Variants in NDFIP2 observed in about 807,000 individuals in gnomAD.
The protein encoded by NDFIP2 is Nedd4 family interacting protein 2.
A neutral mutation model predicts 36.0 loss-of-function variants in NDFIP2; 19 were observed. The observed-to-expected ratio is 0.53, with a 90% CI of 0.37 to 0.77. The LOEUF is 0.77. NDFIP2 is among the 30% of genes least tolerant of loss of function. The probability of loss-of-function intolerance (pLI) is 0.00; values close to 1 mark genes in which losing one functional copy is unlikely to be tolerated. For missense variants in NDFIP2, 446 were observed against 435.8 expected (o/e 1.02, Z -0.21); for synonymous variants, 181 against 167.7 (o/e 1.08, Z -0.61).
At chr13:79,532,796 G>T (rs777315839) in intron 2 of NDFIP2, among the ~76,000 whole-genome samples, 2 of 152,170 alleles carry the variant, frequency 1.3e-5, no homozygotes, top group Non-Finnish European at 2.9e-5. Context: ...GGGGTCAGGA[G>T]CTTCCTGTGT....
At chr13:79,533,524 C>T in intron 3 of NDFIP2, 68 bp downstream of exon 3, 3 of 1,402,778 alleles carry the variant, frequency 2.1e-6, no homozygotes, top group Non-Finnish European at 2.9e-6. Context: ...TTTAGTAATA[C>T]TAAAAACAGT....
At chr13:79,545,002 A>T (rs180924009) in intron 5 of NDFIP2, among the ~76,000 whole-genome samples, 1 of 152,158 alleles carries the variant, frequency 6.6e-6, no homozygotes, top group South Asian at 2.1e-4. Flanking sequence ...TTCCTAACAC[A>T]AGTATAAATC....
chr13:79,533,683 G>A (rs1260386074), intron 3 of NDFIP2, among the ~76,000 whole-genome samples: 1 of 152,014 alleles, frequency 6.6e-6, no homozygotes, highest in Non-Finnish European at 1.5e-5. Flanking sequence ...GGGACAAATT[G>A]CATAGCCTAG....
At chr13:79,497,954 G>T (rs1873511146) in intron 1 of NDFIP2, among the ~76,000 whole-genome samples, 1 of 151,698 alleles carries the variant, frequency 6.6e-6, no homozygotes, top group Non-Finnish European at 1.5e-5. Flanking sequence ...AGTAGTTTAG[G>T]TAAAGGATAA....
Position 79,507,882 on chromosome 13 carries a change from A to C in NDFIP2, c.322-12928A>C, listed in dbSNP as rs187167473. On this transcript the variant is annotated intron_variant, in intron 1 of 7. Coordinates refer to ENST00000218652, the MANE Select transcript of NDFIP2 (RefSeq NM_019080.3). ...AGTTTTACATTCTATGCTTTTCCTC[A>C]TCTCTTAATCCCTTTAACATTATCC... Among the ~76,000 whole-genome samples, 41 of 151,560 alleles carry C rather than the reference A, an allele frequency of 2.7e-4. 1 individual carries two copies. In the East Asian group the frequency reaches 7.8e-3, roughly 29 times the overall value.
At chr13:79,534,080 G>A (rs917428957) in intron 3 of NDFIP2, among the ~76,000 whole-genome samples, 13 of 151,874 alleles carry the variant, frequency 8.6e-5, no homozygotes, top group African/African-American at 2.4e-4. Flanking sequence ...CCTTCACTTC[G>A]CATCCTAACT....
intron 1 of NDFIP2, among the ~76,000 whole-genome samples, chr13:79,499,980 T>A (rs550886287): frequency 6.6e-6 from 1 of 152,000 alleles, no homozygotes; most frequent in South Asian, 2.1e-4. Context: ...ACTATAGATA[T>A]ATGGTAATCA....
chr13:79,548,412 G>A lies in NDFIP2; in HGVS notation c.907+18G>A, dbSNP rs1466969514. ...TGTACTTGGTAAGTTTATTCTTAAT[G>A]CATTTAGTTTAACTTGGATATTTCC... On this transcript the variant is annotated intron_variant, in intron 6 of 7. Coordinates refer to ENST00000218652, the MANE Select transcript of NDFIP2 (RefSeq NM_019080.3). The A allele has an allele frequency of 6.5e-7, 1 of 1,538,210 alleles. No homozygotes were observed. The highest frequency in any genetic ancestry group is 1.2e-5 in the South Asian group (1 of 85,544).
intron 1 of NDFIP2, among the ~76,000 whole-genome samples, chr13:79,507,089 G>C (rs1464544440): frequency 6.6e-6 from 1 of 151,984 alleles, no homozygotes; most frequent in African/African-American, 2.4e-5. Flanking sequence ...TCTTTCTTCA[G>C]TTCTGAATTT....
intron 3 of NDFIP2, 59 bp from the exon 4 acceptor site, chr13:79,539,623 C>A: frequency 7.4e-7 from 1 of 1,359,428 alleles, no homozygotes; most frequent in Non-Finnish European, 1.1e-6. Flanking sequence ...CTTATGCTTA[C>A]ATTTAAGATG....
chr13:79,481,448 ACTCCCT>A lies in NDFIP2; in HGVS notation c.249_254del (p.Leu84_Ser85del). The A allele has an allele frequency of 1.3e-6, 2 of 1,560,076 alleles. No individual in the cohort carries two copies. Among genetic ancestry groups the A allele is most frequent in the Non-Finnish European group, 1.7e-6 (2 of 1,152,308 alleles). ...GCCGTGGGAGCTGAGCACGGAGAAG[ACTCCCT>A]CTCTCGGAAGCCGGATCCCGAGCCG... On this transcript the variant is annotated inframe_deletion, in exon 1 of 8. Transcript: ENST00000218652.
chr13:79,550,676 A>G (rs1055435495), intron 6 of NDFIP2, among the ~76,000 whole-genome samples: 2 of 151,514 alleles, frequency 1.3e-5, no homozygotes, highest in Non-Finnish European at 3.0e-5. Context: ...GATTGAGCCC[A>G]TGGGTTCAAT....
intron 6 of NDFIP2, 104 bp downstream of exon 6, chr13:79,548,498 T>A: frequency 1.1e-6 from 1 of 915,556 alleles, no homozygotes; most frequent in Non-Finnish European, 1.7e-6. Context: ...TTTTCTTCTG[T>A]AAAATTCTCA....
At chr13:79,529,016 C>T (rs1192099534) in intron 2 of NDFIP2, among the ~76,000 whole-genome samples, 3 of 152,136 alleles carry the variant, frequency 2.0e-5, no homozygotes, top group African/African-American at 7.2e-5. Context: ...AATAATAATA[C>T]GTGACATTTG....
At chr13:79,538,175 A>T (rs184647336) in intron 3 of NDFIP2, among the ~76,000 whole-genome samples, 27 of 152,254 alleles carry the variant, frequency 1.8e-4, no homozygotes, top group Non-Finnish European at 3.5e-4. Context: ...CACCCCCATG[A>T]TCCGATCACC....
intron 1 of NDFIP2, among the ~76,000 whole-genome samples, chr13:79,514,313 A>G (rs559330578): frequency 1.2e-4 from 19 of 152,278 alleles, no homozygotes; most frequent in African/African-American, 4.6e-4. Flanking sequence ...GGTGACCTAT[A>G]TTATATTTTC....
intron 1 of NDFIP2, among the ~76,000 whole-genome samples, chr13:79,483,012 C>T (rs903424182): frequency 3.9e-5 from 6 of 152,128 alleles, no homozygotes; most frequent in Non-Finnish European, 8.8e-5. Flanking sequence ...ACGTCACTAC[C>T]CAAAACACTG....
At chr13:79,544,144 A>G (rs891738152) in intron 5 of NDFIP2, among the ~76,000 whole-genome samples, 36 of 152,190 alleles carry the variant, frequency 2.4e-4, no homozygotes, top group Admixed American at 6.5e-4. Flanking sequence ...AAACATAAAA[A>G]TTTCTCGTTT....
intron 3 of NDFIP2, among the ~76,000 whole-genome samples, chr13:79,538,802 T>C (rs1329268419): frequency 6.6e-6 from 1 of 152,216 alleles, no homozygotes. Flanking sequence ...AGGCAGGTCT[T>C]GAACTCCTGG....
Sources: allele counts gnomAD v4.1 joint callset (sites outside exome capture counted in the v4.1 genomes callset), GRCh38; gene constraint gnomAD v4.1.1; transcripts MANE v1.5; gene names NCBI Gene and HGNC (gene_info 2026-07-23, HGNC 2026-07-21).